Variants in ERBB4 observed in about 807,000 individuals in gnomAD.
The protein encoded by ERBB4 is receptor tyrosine-protein kinase erbB-4.
ERBB4 carries 42 observed loss-of-function variants against 158.0 expected under a neutral mutation model. That is an observed-to-expected ratio of 0.27 (90% confidence interval 0.21 to 0.34). The LOEUF is 0.34. Among genes scored for constraint, ERBB4 ranks in the 10% least tolerant of loss-of-function variants. The pLI is 1.00. For synonymous variants in ERBB4, 583 were observed against 558.7 expected, an observed-to-expected ratio of 1.04 and a Z score of -0.61; for missense variants, 1,333 against 1,624.1, an observed-to-expected ratio of 0.82 and a Z score of 3.08.
chr2:212,201,842 T>A (rs767335783), intron 1 of ERBB4, among the ~76,000 whole-genome samples: 1 of 152,238 alleles, frequency 6.6e-6, no homozygotes, highest in Non-Finnish European at 1.5e-5. Context: ...GGAACTGCCA[T>A]GACTACCATA....
intron 20 of ERBB4, among the ~76,000 whole-genome samples, chr2:211,523,910 G>A (rs929352348): frequency 2.6e-5 from 4 of 152,060 alleles, no homozygotes; most frequent in African/African-American, 7.2e-5. Context: ...GGTGCTGATT[G>A]GTGTGTTTAC....
intron 9 of ERBB4, among the ~76,000 whole-genome samples, chr2:211,711,448 A>C (rs2073698661): frequency 1.3e-5 from 2 of 152,176 alleles, no homozygotes; most frequent in African/African-American, 4.8e-5. Context: ...AGTTAAAACG[A>C]GTAGGGGGTC....
chr2:212,126,251 G>A (rs976847759), intron 1 of ERBB4, among the ~76,000 whole-genome samples: 4 of 152,070 alleles, frequency 2.6e-5, no homozygotes, highest in East Asian at 1.9e-4. Flanking sequence ...ATTACCTGAG[G>A]TCAGGAGTTC....
At chr2:212,261,073 C>T (rs1432969603) in intron 1 of ERBB4, among the ~76,000 whole-genome samples, 1 of 152,144 alleles carries the variant, frequency 6.6e-6, no homozygotes, top group Non-Finnish European at 1.5e-5. Flanking sequence ...CAAAGCACAT[C>T]TCCTCTTTGA....
chr2:211,730,927 T>G (rs1368202718), intron 5 of ERBB4, among the ~76,000 whole-genome samples: 1 of 152,152 alleles, frequency 6.6e-6, no homozygotes, highest in African/African-American at 2.4e-5. Context: ...TCTGATTGAC[T>G]GACTGATTAT....
intron 2 of ERBB4, among the ~76,000 whole-genome samples, chr2:211,999,055 A>C (rs2125274798): frequency 6.6e-6 from 1 of 151,862 alleles, no homozygotes; most frequent in South Asian, 2.1e-4. Context: ...ATTTTAATCA[A>C]ACTAGAACAT....
At chr2:212,386,526 G>A (rs1237347948) in intron 1 of ERBB4, among the ~76,000 whole-genome samples, 1 of 148,840 alleles carries the variant, frequency 6.7e-6, no homozygotes, top group East Asian at 2.0e-4. Flanking sequence ...ACACTACCAA[G>A]AGAGTTCTAT....
intron 2 of ERBB4, among the ~76,000 whole-genome samples, chr2:212,095,807 C>T (rs1017553079): frequency 3.6e-4 from 55 of 151,554 alleles, no homozygotes; most frequent in African/African-American, 1.2e-3. Context: ...TGGTGGTGGG[C>T]GCCTGTAGTC....
In ERBB4 at chr2:211,415,107, C is replaced by CTTTTTTTTTTTT. The variant is rs71047175; in HGVS notation, c.3135+5322_3135+5333dup. ...CAAATCCCATTGAAACTTACATTTT[C>CTTTTTTTTTTTT]TTTTTTTTTTTTTTTTTTTTTTTTT... On this transcript the variant is annotated intron_variant, in intron 25 of 27. Transcript: ENST00000342788. Among the ~76,000 whole-genome samples the CTTTTTTTTTTTT allele has an allele frequency of 5.7e-4, 41 of 72,508 alleles. 3 individuals are homozygous for CTTTTTTTTTTTT. The highest frequency in any genetic ancestry group is 1.8e-3 in the African/African-American group (33 of 18,140). The allele number at this position is 72,508 out of a possible 152,430, so 47.6% of individuals were successfully genotyped here. A position where few individuals can be genotyped will look rare whatever the true frequency, so the allele number is the denominator to read the frequency against.
chr2:212,083,701 A>G (rs188532167), intron 2 of ERBB4, among the ~76,000 whole-genome samples: 1 of 152,086 alleles, frequency 6.6e-6, no homozygotes, highest in Admixed American at 6.6e-5. Flanking sequence ...GGATTGCACA[A>G]TCCCATAAGT....
At chr2:212,255,055 CATCT>C (rs1291457647) in intron 1 of ERBB4, among the ~76,000 whole-genome samples, 1 of 152,128 alleles carries the variant, frequency 6.6e-6, no homozygotes, top group Non-Finnish European at 1.5e-5. Flanking sequence ...TCTACTTATG[CATCT>C]ATCCATATTA....
chr2:211,898,499 T>C (rs1431270502), intron 3 of ERBB4, among the ~76,000 whole-genome samples: 1 of 152,182 alleles, frequency 6.6e-6, no homozygotes, highest in Non-Finnish European at 1.5e-5. Context: ...CTGACAAAAG[T>C]AATTTGTATA....
At chr2:212,064,039 G>A (rs755269363) in intron 2 of ERBB4, among the ~76,000 whole-genome samples, 3 of 152,102 alleles carry the variant, frequency 2.0e-5, no homozygotes, top group Non-Finnish European at 4.4e-5. Flanking sequence ...CACAATAGGA[G>A]CAGAAAAATC....
chr2:212,152,358 G>A (rs745602528), intron 1 of ERBB4, among the ~76,000 whole-genome samples: 4 of 152,102 alleles, frequency 2.6e-5, no homozygotes, highest in African/African-American at 7.2e-5. Flanking sequence ...CATATTTAAT[G>A]CCTAGCACAT....
At chr2:212,337,830 C>T (rs2088517502) in intron 1 of ERBB4, among the ~76,000 whole-genome samples, 1 of 152,072 alleles carries the variant, frequency 6.6e-6, no homozygotes, top group South Asian at 2.1e-4. Flanking sequence ...AAATATGCTC[C>T]TAATCTACAA....
chr2:212,446,200 GTGA>G (rs1180099379), intron 1 of ERBB4, among the ~76,000 whole-genome samples: 3 of 152,026 alleles, frequency 2.0e-5, no homozygotes, highest in Non-Finnish European at 4.4e-5. Context: ...GGTTGGACTT[GTGA>G]TGGTTAATAC....
chr2:212,476,153 TCA>T (rs59580011), intron 1 of ERBB4, among the ~76,000 whole-genome samples: 11,306 of 143,856 alleles, frequency 0.079, 1,403 homozygotes, highest in African/African-American at 0.28. Context: ...TCTCTCTCTG[TCA>T]CACACACACA....
chr2:212,363,532 G>C (rs1045373994), intron 1 of ERBB4, among the ~76,000 whole-genome samples: 2 of 150,900 alleles, frequency 1.3e-5, no homozygotes, highest in African/African-American at 4.9e-5. Context: ...TGAACTTCAC[G>C]TCCAACTTAG....
chr2:211,997,207 C>A lies in ERBB4; in HGVS notation c.235-49591G>T, dbSNP rs80340607. On this transcript the variant is annotated intron_variant, in intron 2 of 27. Transcript: ENST00000342788. ...TAATATCTATCAAAAAGATAATAGT[C>A]TATAATTCCTTCCTTTTCAAACCTT... Among the ~76,000 whole-genome samples, 687 of 152,198 alleles carry A rather than the reference C, an allele frequency of 4.5e-3. 4 individuals are homozygous for A. The highest frequency in any genetic ancestry group is 7.6e-3 in the Non-Finnish European group (518 of 67,974).
Sources: gnomAD v4.1 joint callset for allele counts (sites outside exome capture counted in the v4.1 genomes callset) on GRCh38, gnomAD v4.1.1 for gene constraint, MANE v1.5 for transcripts, NCBI Gene and HGNC (gene_info 2026-07-23, HGNC 2026-07-21) for gene names.